Variants in KIAA1217 observed in about 807,000 individuals in gnomAD.
KIAA1217 encodes the protein KIAA1217.
A neutral mutation model predicts 163.9 loss-of-function variants in KIAA1217; 88 were observed. That is an observed-to-expected ratio of 0.54 (90% CI 0.45 to 0.64). The LOEUF (loss-of-function observed/expected upper bound fraction) is 0.64. Ranked by LOEUF, KIAA1217 falls within the 30% of genes least tolerant of loss-of-function variation. KIAA1217 has a pLI of 0.00. For missense variants in KIAA1217, 2,372 were observed against 2,475.0 expected (o/e 0.96, Z 0.88); for synonymous variants, 903 against 923.1 (o/e 0.98, Z 0.39).
intron 2 of KIAA1217, among the ~76,000 whole-genome samples, chr10:24,332,830 A>G (rs912677286): frequency 2.6e-5 from 4 of 152,180 alleles, no homozygotes; most frequent in African/African-American, 9.7e-5. Context: ...GTGCTCATTC[A>G]AAATGTTCCA....
chr10:24,241,929 G>C (rs776727987), intron 2 of KIAA1217, among the ~76,000 whole-genome samples: 2 of 151,996 alleles, frequency 1.3e-5, no homozygotes, highest in African/African-American at 2.4e-5. Flanking sequence ...CTCATCGAGG[G>C]GGATTCTAGA....
rs28806513 is a variant in KIAA1217 at position 23,851,891 on chromosome 10, T to A, written c.-320-155334T>A. Among the ~76,000 whole-genome samples the A allele has an allele frequency of 7.2e-3, 1,100 of 152,248 alleles. 21 individuals carry two copies. The highest frequency in any genetic ancestry group is 0.025 in the African/African-American group (1,059 of 41,532). Reference sequence around the variant, plus strand: ...TTTTTTCTTGTAAATTTGTTTGAGTTCATTGTAGATTCTGGATATTAGCCC... The same window carrying A: ...TTTTTTCTTGTAAATTTGTTTGAGTACATTGTAGATTCTGGATATTAGCCC... On this transcript the variant is annotated intron_variant, in intron 1 of 18. Coordinates refer to the KIAA1217 transcript ENST00000376462.
intron 1 of KIAA1217, among the ~76,000 whole-genome samples, chr10:23,858,407 A>T (rs2131125847): frequency 6.6e-6 from 1 of 152,172 alleles, no homozygotes; most frequent in South Asian, 2.1e-4. Context: ...ATTTCCTTTT[A>T]TTCACCACAA....
In KIAA1217 at chr10:23,925,101, G is replaced by A. The variant is rs144406599; in HGVS notation, c.-320-82124G>A. On this transcript the variant is annotated intron_variant, in intron 1 of 18. Coordinates refer to the KIAA1217 transcript ENST00000376462. The stretch of plus-strand genomic sequence containing the variant: ...AAAAGTGTTCATATTACTTAGAAAT[G>A]TGGAAGAAGAAGATGGAGAAGGAGG... 1.3e-3 allele frequency among the ~76,000 whole-genome samples: 198 copies of A among 152,198 alleles called. 1 individual carries two copies. The highest frequency in any genetic ancestry group is 4.5e-3 in the African/African-American group (186 of 41,540).
chr10:24,168,513 G>T (rs981371029), intron 2 of KIAA1217, among the ~76,000 whole-genome samples: 3 of 152,322 alleles, frequency 2.0e-5, no homozygotes, highest in Admixed American at 6.5e-5. Flanking sequence ...TGGGGGTGTG[G>T]ACCATTCTCT....
At chr10:24,453,595 T>TG (rs986854078) in intron 5 of KIAA1217, among the ~76,000 whole-genome samples, 46 of 152,376 alleles carry the variant, frequency 3.0e-4, no homozygotes, top group African/African-American at 1.0e-3. Context: ...TACAGTGTTA[T>TG]GGCATTATTT....
chr10:23,944,686 G>T (rs1010659292), intron 1 of KIAA1217, among the ~76,000 whole-genome samples: 2 of 152,086 alleles, frequency 1.3e-5, no homozygotes, highest in African/African-American at 4.8e-5. Context: ...ACCAACTATA[G>T]GTGAGAATAT....
intron 9 of KIAA1217, 64 bp from the exon 10 acceptor site, chr10:24,513,195 G>A: frequency 2.0e-6 from 3 of 1,520,400 alleles, no homozygotes; most frequent in Non-Finnish European, 2.7e-6. Context: ...AGACTTCAAG[G>A]CATTCACTCG....
At chr10:24,431,707 G>T (rs979502569) in intron 3 of KIAA1217, among the ~76,000 whole-genome samples, 4 of 152,074 alleles carry the variant, frequency 2.6e-5, no homozygotes, top group Non-Finnish European at 5.9e-5. Flanking sequence ...CTTTCCTTTT[G>T]CATCACACTT....
chr10:23,890,475 C>T (rs1253376441), intron 1 of KIAA1217, among the ~76,000 whole-genome samples: 2 of 151,794 alleles, frequency 1.3e-5, no homozygotes, highest in Non-Finnish European at 2.9e-5. Context: ...GAAAGGCTTT[C>T]TCATTCATCT....
intron 1 of KIAA1217, among the ~76,000 whole-genome samples, chr10:23,964,405 A>G (rs1487406291): frequency 6.6e-6 from 1 of 150,446 alleles, no homozygotes; most frequent in East Asian, 2.0e-4. Context: ...TTGCGTGTTC[A>G]CTCTGCTGAT....
At chr10:24,327,680 G>C (rs2045106367) in intron 2 of KIAA1217, among the ~76,000 whole-genome samples, 1 of 152,080 alleles carries the variant, frequency 6.6e-6, no homozygotes, top group South Asian at 2.1e-4. Flanking sequence ...GTCTCCCTAT[G>C]TTGCTCCAGC....
At chr10:24,181,059 A>G (rs2066148418) in intron 2 of KIAA1217, among the ~76,000 whole-genome samples, 1 of 152,210 alleles carries the variant, frequency 6.6e-6, no homozygotes, top group African/African-American at 2.4e-5. Flanking sequence ...CCATGCAACA[A>G]CTATTTGAGC....
At chr10:24,283,769 T>A (rs764491917) in intron 2 of KIAA1217, among the ~76,000 whole-genome samples, 14 of 152,242 alleles carry the variant, frequency 9.2e-5, no homozygotes, top group Non-Finnish European at 1.3e-4. Context: ...CCTGTTGCTC[T>A]GCATCCTGGT....
intron 2 of KIAA1217, among the ~76,000 whole-genome samples, chr10:24,374,434 C>G (rs2052163221): frequency 6.6e-6 from 1 of 152,128 alleles, no homozygotes; most frequent in South Asian, 2.1e-4. Flanking sequence ...ACAGCAGGAC[C>G]CTCTAGCGCC....
At chr10:23,819,790 G>T (rs1837534677) in intron 1 of KIAA1217, among the ~76,000 whole-genome samples, 1 of 152,082 alleles carries the variant, frequency 6.6e-6, no homozygotes, top group South Asian at 2.1e-4. Context: ...TATGCTATAT[G>T]GAGCCTTGGG....
intron 2 of KIAA1217, among the ~76,000 whole-genome samples, chr10:24,373,175 C>T (rs1259545961): frequency 6.6e-6 from 1 of 152,152 alleles, no homozygotes; most frequent in East Asian, 1.9e-4. Context: ...CACCTGGTTC[C>T]ACCCACTCTA....
intron 2 of KIAA1217, among the ~76,000 whole-genome samples, chr10:24,028,286 T>C (rs1385313744): frequency 6.6e-6 from 1 of 151,956 alleles, no homozygotes; most frequent in Non-Finnish European, 1.5e-5. Context: ...AAAAACAAAA[T>C]GTTCATCAGC....
At chr10:24,172,857 T>G (rs550428499) in intron 2 of KIAA1217, among the ~76,000 whole-genome samples, 99 of 152,362 alleles carry the variant, frequency 6.5e-4, no homozygotes, top group African/African-American at 2.2e-3. Context: ...GACCTGCTCT[T>G]GACTGTCTGG....
Sources: gnomAD v4.1 joint callset for allele counts (sites outside exome capture counted in the v4.1 genomes callset) on GRCh38, gnomAD v4.1.1 for gene constraint, MANE v1.5 for transcripts, NCBI Gene and HGNC (gene_info 2026-07-23, HGNC 2026-07-21) for gene names.